ELK3: variants seen among roughly 807,000 people sequenced by gnomAD.
ELK3 encodes ETS transcription factor ELK3, also known as ETS domain-containing protein Elk-3.
A neutral mutation model predicts 28.9 loss-of-function variants in ELK3; 10 were observed. That is an observed-to-expected ratio of 0.35 (90% confidence interval 0.21 to 0.59). ELK3 has a LOEUF of 0.59. Among genes scored for constraint, ELK3 ranks in the 20% least tolerant of loss-of-function variants. The probability of loss-of-function intolerance (pLI) is 0.82; values close to 1 mark genes in which losing one functional copy is unlikely to be tolerated. For synonymous variants in ELK3, 272 were observed against 243.5 expected (o/e 1.12, Z -1.09); for missense variants, 463 against 517.3 (o/e 0.90, Z 1.02).
intron 2 of ELK3, among the ~76,000 whole-genome samples, chr12:96,232,855 T>G (rs923173832): frequency 6.6e-6 from 1 of 151,246 alleles, no homozygotes; most frequent in Non-Finnish European, 1.5e-5. Flanking sequence ...GTAGTCCTAC[T>G]TACTGGGGAG....
rs1456478681 is a variant in ELK3, at chr12:96,267,307, A to G, written c.*127A>G. The stretch of plus-strand genomic sequence containing the variant: ...TAATTTGGTTTGCACTTTTCATAAC[A>G]TGGATAGTCTAGATTTATGTTAGCA... On this transcript the variant is annotated 3_prime_UTR_variant, in exon 5 of 5. Transcript: ENST00000228741. 4.2e-6 allele frequency: 3 copies of G among 706,842 alleles called. No homozygotes were observed. The highest frequency in any genetic ancestry group is 2.0e-5 in the South Asian group (1 of 49,332). 43.8% of individuals were successfully genotyped at this position (706,842 alleles called of 1,614,324 possible). A position where few individuals can be genotyped will look rare whatever the true frequency, so the allele number is the denominator to read the frequency against.
intron 3 of ELK3, chr12:96,255,510 C>A (rs1951941570): frequency 6.6e-6 from 1 of 152,326 alleles, no homozygotes; most frequent in Admixed American, 6.5e-5. Context: ...AATGCCTGTT[C>A]CTCCGTGCAT....
intron 1 of ELK3, among the ~76,000 whole-genome samples, chr12:96,205,301 T>C (rs1951532656): frequency 6.6e-6 from 1 of 152,202 alleles, no homozygotes; most frequent in Non-Finnish European, 1.5e-5. Flanking sequence ...TTTAGTATTA[T>C]CTTTGGGACT....
At chr12:96,248,340 C>T (rs1417641276) in intron 3 of ELK3, among the ~76,000 whole-genome samples, 1 of 152,208 alleles carries the variant, frequency 6.6e-6, no homozygotes, top group Admixed American at 6.5e-5. Flanking sequence ...AAAAAGCCTT[C>T]GTTGTTATTA....
In ELK3 at chr12:96,206,614, A is replaced by T. The variant is rs750828241; in HGVS notation, c.-3+11909A>T. Among the ~76,000 whole-genome samples, 71 of 152,206 alleles carry T rather than the reference A, an allele frequency of 4.7e-4. 1 individual carries two copies. Among genetic ancestry groups the T allele is most frequent in the Non-Finnish European group, 8.2e-4 (56 of 68,032 alleles). ...ACGATTTTCTTTCACAAGGGAAAAA[A>T]AAGATCCTCTAAAGCAGGATCTGGC... On this transcript the variant is annotated intron_variant, in intron 1 of 4. Transcript: ENST00000228741.
chr12:96,267,883 T>C lies in ELK3; in HGVS notation c.*703T>C, dbSNP rs1952050134. The C allele has an allele frequency of 1.3e-5, 2 of 152,596 alleles. No individual in the cohort carries two copies. The highest frequency in any genetic ancestry group is 1.3e-4 in the Admixed American group (2 of 15,284). The allele number at this position is 152,596 out of a possible 1,614,324, so 9.5% of individuals were successfully genotyped here. On this transcript the variant is annotated 3_prime_UTR_variant, in exon 5 of 5. Coordinates refer to ENST00000228741, the MANE Select transcript of ELK3 (RefSeq NM_005230.4). ...TTCAAAAGAATGGACCTTGAAAGGC[T>C]AGCCTCCTTAGCTGTTTACAGTATC...
At position 96,247,611 on chromosome 12, in the gene ELK3, A is replaced by G; in HGVS notation, c.879A>G (p.Lys293=). 6.2e-7 allele frequency: 1 copy of G among 1,613,254 alleles called. No homozygotes were observed. The highest frequency in any genetic ancestry group is 8.5e-7 in the Non-Finnish European group (1 of 1,179,892). The change falls in exon 3 of 5, where the codon AAA becomes AAG. Residue 293 remains lysine (K), a synonymous_variant. Coordinates refer to ENST00000228741, the MANE Select transcript of ELK3 (RefSeq NM_005230.4). This position sits in a 1 kb window ranked among gnomAD's most constrained non-coding sequence, Gnocchi z 5.5. The stretch of plus-strand genomic sequence containing the variant: ...CATCTCTTCCCCCAAAGGCCAAAAA[A>G]CCCAAAGGCTTGGAAATCTCAGCGC... The part of the protein sequence containing the change: ...KSPSLPPKAK[K]PKGLEISAPP...
At chr12:96,251,117 C>T (rs913260005) in intron 3 of ELK3, among the ~76,000 whole-genome samples, 3 of 152,212 alleles carry the variant, frequency 2.0e-5, no homozygotes, top group African/African-American at 7.2e-5. Flanking sequence ...ACACTCACTC[C>T]GTGTTTCAAT....
chr12:96,245,073 G>C (rs1266438092), intron 2 of ELK3, among the ~76,000 whole-genome samples: 2 of 152,080 alleles, frequency 1.3e-5, no homozygotes, highest in Non-Finnish European at 2.9e-5. Context: ...CTAATCTAAG[G>C]TGCCCTGGGC....
intron 4 of ELK3, among the ~76,000 whole-genome samples, chr12:96,266,795 G>GTGTT (rs780121717): frequency 1.3e-5 from 2 of 152,148 alleles, no homozygotes; most frequent in South Asian, 2.1e-4. Context: ...TTAAAAAATA[G>GTGTT]TGTTAGAAGA....
chr12:96,229,598 C>T (rs905972479), intron 2 of ELK3, among the ~76,000 whole-genome samples: 5 of 139,780 alleles, frequency 3.6e-5, no homozygotes, highest in Non-Finnish European at 6.0e-5. Context: ...ATGGCATGGT[C>T]TCAGCTCACT....
chr12:96,224,281 G>A (rs1198095179), intron 2 of ELK3, among the ~76,000 whole-genome samples: 2 of 152,048 alleles, frequency 1.3e-5, no homozygotes, highest in African/African-American at 4.8e-5. Flanking sequence ...CAGGATTGTG[G>A]TGATGACCGA....
At position 96,210,561 on chromosome 12, in the gene ELK3, G is replaced by GCACACACACACACACACACACACA. The variant is rs368183390; in HGVS notation, c.-2-13001_-2-13000insACACACACACACACACACACACAC. On this transcript the variant is annotated intron_variant, in intron 1 of 4. Coordinates refer to ENST00000228741, the MANE Select transcript of ELK3 (RefSeq NM_005230.4). The stretch of plus-strand genomic sequence containing the variant: ...CTGTTCCACCGCCCTGCGCGCGGGC[G>GCACACACACACACACACACACACA]CACGCACACACACACACACACACAC... Among the ~76,000 whole-genome samples the GCACACACACACACACACACACACA allele has an allele frequency of 1.1e-4, 16 of 144,842 alleles. 1 individual carries two copies. Among genetic ancestry groups the GCACACACACACACACACACACACA allele is most frequent in the East Asian group, 6.2e-4 (3 of 4,834 alleles).
intron 2 of ELK3, among the ~76,000 whole-genome samples, chr12:96,226,607 T>C (rs887420853): frequency 2.6e-5 from 4 of 152,072 alleles, no homozygotes; most frequent in Admixed American, 6.5e-5. Context: ...CACACACATA[T>C]GCCCACATGC....
rs150439566 is a variant in ELK3 at position 96,207,992 on chromosome 12, T to C, written c.-3+13287T>C. 4.6e-3 allele frequency among the ~76,000 whole-genome samples: 697 copies of C among 152,350 alleles called. 4 individuals are homozygous for C. The highest frequency in any genetic ancestry group is 0.013 in the African/African-American group (552 of 41,584). The stretch of plus-strand genomic sequence containing the variant: ...GGGATTAAAAATAGTTTCAGTGGAT[T>C]TACTCTACGAAGGGAGAAAGGTAAC... On this transcript the variant is annotated intron_variant, in intron 1 of 4. Coordinates refer to ENST00000228741, the MANE Select transcript of ELK3 (RefSeq NM_005230.4).
chr12:96,238,031 C>T (rs916555007), intron 2 of ELK3, among the ~76,000 whole-genome samples: 8 of 152,138 alleles, frequency 5.3e-5, no homozygotes, highest in Admixed American at 6.6e-5. Flanking sequence ...CTGGGAGCCT[C>T]GGGTCTCACA....
chr12:96,260,587 C>T (rs1951986106), intron 4 of ELK3, among the ~76,000 whole-genome samples: 1 of 151,956 alleles, frequency 6.6e-6, no homozygotes, highest in Non-Finnish European at 1.5e-5. Flanking sequence ...ATTCACACAC[C>T]AGAATCTTGC....
chr12:96,223,271 T>C (rs2137014400), intron 1 of ELK3, among the ~76,000 whole-genome samples: 1 of 152,260 alleles, frequency 6.6e-6, no homozygotes, highest in East Asian at 1.9e-4. Context: ...ATGTCATTAA[T>C]CATTGTTCTG....
intron 4 of ELK3, 76 bp downstream of exon 4, chr12:96,259,929 C>T (rs981514241): frequency 3.3e-5 from 49 of 1,484,788 alleles, no homozygotes; most frequent in Admixed American, 3.0e-4. Context: ...GCAGAGGTAA[C>T]GGTGAGTTTT....
Sources: allele counts gnomAD v4.1 joint callset (sites outside exome capture counted in the v4.1 genomes callset), GRCh38; gene constraint gnomAD v4.1.1; non-coding constraint Gnocchi (gnomAD v3.1); transcripts MANE v1.5; gene names NCBI Gene and HGNC (gene_info 2026-07-23, HGNC 2026-07-21).